PDE4D: variants seen among roughly 807,000 people sequenced by gnomAD.
PDE4D encodes 3',5'-cyclic-AMP phosphodiesterase 4D.
In PDE4D, 24 loss-of-function variants were observed where a neutral mutation model predicts 87.4. The ratio of observed to expected loss-of-function variants is 0.27; its 90% CI spans 0.20 to 0.39. The LOEUF is 0.39. Among genes scored for constraint, PDE4D ranks in the 10% least tolerant of loss-of-function variants. The pLI is 1.00. For synonymous variants in PDE4D, 384 were observed against 383.2 expected (o/e 1.00, Z -0.02); for missense variants, 714 against 1,041.0 (o/e 0.69, Z 4.32).
At chr5:59,669,118 G>A (rs909206083) in intron 1 of PDE4D, among the ~76,000 whole-genome samples, 2 of 152,034 alleles carry the variant, frequency 1.3e-5, no homozygotes, top group Admixed American at 6.6e-5. Flanking sequence ...TTTTTGAGAT[G>A]GAGTTTCGCT....
intron 1 of PDE4D, among the ~76,000 whole-genome samples, chr5:59,687,918 C>A (rs1750190858): frequency 6.6e-6 from 1 of 152,082 alleles, no homozygotes; most frequent in Admixed American, 6.6e-5. Flanking sequence ...GGGTTGCAAT[C>A]CTAGTCTCTG....
chr5:60,374,411 GAAGA>G (rs1761273449), intron 1 of PDE4D, among the ~76,000 whole-genome samples: 1 of 152,142 alleles, frequency 6.6e-6, no homozygotes, highest in African/African-American at 2.4e-5. Context: ...TCTTTAAAAA[GAAGA>G]AATACTGAGG....
intron 5 of PDE4D, among the ~76,000 whole-genome samples, chr5:59,133,073 T>C (rs573214713): frequency 6.6e-6 from 1 of 152,268 alleles, no homozygotes; most frequent in Non-Finnish European, 1.5e-5. Context: ...TAATCTCAAT[T>C]TTTTTCTGTC....
At chr5:59,073,170 G>A (rs1765124541) in intron 5 of PDE4D, among the ~76,000 whole-genome samples, 1 of 152,140 alleles carries the variant, frequency 6.6e-6, no homozygotes, top group Admixed American at 6.6e-5. Flanking sequence ...CCAAGGAACT[G>A]AGTCCCATCC....
chr5:60,502,324 A>G (rs908805057), intron 1 of PDE4D, among the ~76,000 whole-genome samples: 22 of 152,088 alleles, frequency 1.4e-4, no homozygotes, highest in African/African-American at 5.3e-4. Flanking sequence ...GATATGTGGC[A>G]TTATTTCTGA....
intron 1 of PDE4D, among the ~76,000 whole-genome samples, chr5:60,330,455 G>A (rs2149867250): frequency 6.6e-6 from 1 of 152,306 alleles, no homozygotes; most frequent in African/African-American, 2.4e-5. Context: ...ATGGCTTTCT[G>A]CCAACAGCAG....
chr5:59,421,121 C>G (rs77842447), intron 1 of PDE4D, among the ~76,000 whole-genome samples: 1 of 152,196 alleles, frequency 6.6e-6, no homozygotes, highest in East Asian at 1.9e-4. Context: ...ATTGTGAATT[C>G]TCATACAATC....
intron 1 of PDE4D, among the ~76,000 whole-genome samples, chr5:59,307,692 A>T (rs1263555862): frequency 6.6e-6 from 1 of 151,500 alleles, no homozygotes; most frequent in Non-Finnish European, 1.5e-5. Context: ...AATGGCAATC[A>T]TTCAAAAGTC....
intron 1 of PDE4D, among the ~76,000 whole-genome samples, chr5:60,351,616 C>T (rs73106783): frequency 0.017 from 2,636 of 152,102 alleles, 91 homozygotes; most frequent in African/African-American, 0.06. Flanking sequence ...AATTGCCATG[C>T]CAGCCCCAAA....
At chr5:59,972,439 A>C (rs1288907111) in intron 3 of PDE4D, among the ~76,000 whole-genome samples, 1 of 152,244 alleles carries the variant, frequency 6.6e-6, no homozygotes, top group African/African-American at 2.4e-5. Flanking sequence ...AAAAAATAAA[A>C]TAAGGGACAA....
chr5:59,825,503 A>ACAGAG (rs1303739775), intron 1 of PDE4D, among the ~76,000 whole-genome samples: 1 of 152,126 alleles, frequency 6.6e-6, no homozygotes, highest in African/African-American at 2.4e-5. Context: ...GAAACTGAGG[A>ACAGAG]CAGAGTCTCT....
chr5:60,141,088 G>T (rs1780497416), intron 2 of PDE4D, among the ~76,000 whole-genome samples: 1 of 152,056 alleles, frequency 6.6e-6, no homozygotes. Flanking sequence ...TGTCTCTTTG[G>T]ATATCAGTTT....
At chr5:59,273,733 T>C (rs1764286818) in intron 1 of PDE4D, among the ~76,000 whole-genome samples, 1 of 152,048 alleles carries the variant, frequency 6.6e-6, no homozygotes, top group Non-Finnish European at 1.5e-5. Context: ...CATTAACAAA[T>C]CAAAATATTT....
chr5:59,063,194 CG>C (rs1561414746), intron 5 of PDE4D: 1 of 152,142 alleles, frequency 6.6e-6, no homozygotes, highest in Non-Finnish European at 1.5e-5. Context: ...TGGCCAAAGG[CG>C]ACTACTCTAG....
intron 1 of PDE4D, among the ~76,000 whole-genome samples, chr5:59,280,295 C>T (rs576518031): frequency 1.3e-3 from 200 of 152,088 alleles, no homozygotes; most frequent in Admixed American, 2.8e-3. Context: ...CCTCTGGTAA[C>T]GTATAAATTT....
rs756698485 is a variant in PDE4D at position 59,754,187 on chromosome 5, G to A, written c.455+138981C>T. On this transcript the variant is annotated intron_variant, in intron 1 of 14. Coordinates refer to ENST00000340635, the MANE Select transcript of PDE4D (RefSeq NM_001104631.2). ...TCTACCAAAAATATAAAAATTAGGC[G>A]GGTATGGTGTTGCATGCCTGTAATC... 1.1e-4 allele frequency among the ~76,000 whole-genome samples: 17 copies of A among 152,168 alleles called. No individual in the cohort carries two copies. In the East Asian group the frequency reaches 1.5e-3, roughly 14 times the overall value.
intron 1 of PDE4D, among the ~76,000 whole-genome samples, chr5:60,358,071 A>G (rs1197271572): frequency 1.3e-5 from 2 of 152,204 alleles, no homozygotes; most frequent in Non-Finnish European, 2.9e-5. Flanking sequence ...TTTAGTAACT[A>G]TCAAGGTAAT....
At chr5:59,717,504 T>C (rs1755202557) in intron 1 of PDE4D, among the ~76,000 whole-genome samples, 1 of 152,180 alleles carries the variant, frequency 6.6e-6, no homozygotes, top group Admixed American at 6.5e-5. Context: ...AATTTCAGAA[T>C]GACATCTAAT....
intron 5 of PDE4D, among the ~76,000 whole-genome samples, chr5:59,178,520 CTA>C (rs989073384): frequency 1.3e-5 from 2 of 152,128 alleles, no homozygotes; most frequent in Non-Finnish European, 2.9e-5. Context: ...CTAGGAGCTT[CTA>C]TGAGGTCTGT....
Sources: allele counts gnomAD v4.1 joint callset (sites outside exome capture counted in the v4.1 genomes callset), GRCh38; gene constraint gnomAD v4.1.1; transcripts MANE v1.5; gene names NCBI Gene and HGNC (gene_info 2026-07-23, HGNC 2026-07-21).